Variants in GRIPAP1 observed in about 807,000 individuals in gnomAD.
GRIPAP1 encodes GRIP1-associated protein 1.
GRIPAP1 carries 14 observed loss-of-function variants against 84.1 expected under a neutral mutation model. The observed-to-expected ratio is 0.17, with a 90% CI of 0.11 to 0.26. GRIPAP1 has a LOEUF of 0.26. GRIPAP1 is among the 10% of genes least tolerant of loss of function. GRIPAP1 has a pLI of 1.00. For missense variants in GRIPAP1, 518 were observed against 674.2 expected (o/e 0.77, Z 2.57); for synonymous variants, 261 against 256.8 (o/e 1.02, Z -0.15).
chrX:48,999,198 G>GGGTGGATGGGTA, intron 3 of GRIPAP1, 40 bp downstream of exon 3: 2 of 1,056,119 alleles, frequency 1.9e-6, no homozygotes, highest in Non-Finnish European at 1.3e-6. Flanking sequence ...GTAGAAGCAA[G>GGGTGGATGGGTA]GGTGGATGGG....
chrX:48,978,592 G>A (rs1471112425), intron 21 of GRIPAP1, among the ~76,000 whole-genome samples, 157 bp from the exon 22 acceptor site: 1 of 111,266 alleles, frequency 9.0e-6, no homozygotes, highest in East Asian at 2.8e-4. Context: ...GGGAGAGACA[G>A]AGACAGAAAA....
Position 48,999,151 on chromosome X carries a change from T to C in GRIPAP1, c.171+87A>G, listed in dbSNP as rs782438411. On this transcript the variant is annotated intron_variant, in intron 3 of 25. Coordinates refer to ENST00000376423, the MANE Select transcript of GRIPAP1 (RefSeq NM_020137.5). ...GCATGCAACATTAGGTCTGGTTCAC[T>C]GTAGGTGCTCACTGGAGGGATGAAT... The C allele has an allele frequency of 6.4e-5, 40 of 622,735 alleles. No homozygotes were observed. The African/African-American group carries it at 6.8e-4, about 11-fold the overall frequency. The allele number at this position is 622,735 out of a possible 1,213,427, so 51.3% of individuals were successfully genotyped here. A position where few individuals can be genotyped will look rare whatever the true frequency, so the allele number is the denominator to read the frequency against.
intron 6 of GRIPAP1, among the ~76,000 whole-genome samples, chrX:48,992,296 G>A (rs781868532): frequency 1.8e-5 from 2 of 112,443 alleles, no homozygotes; most frequent in East Asian, 5.6e-4. Context: ...GTGAAACACC[G>A]TGCCTGGCCT....
At chrX:48,974,973 A>G (rs1436425187) in intron 25 of GRIPAP1, among the ~76,000 whole-genome samples, 182 bp downstream of exon 25, 5 of 110,185 alleles carry the variant, frequency 4.5e-5, no homozygotes, top group African/African-American at 1.7e-4. Context: ...TGAATGGATA[A>G]TAAGTTGATG....
intron 22 of GRIPAP1, among the ~76,000 whole-genome samples, chrX:48,976,679 A>C (rs1388188265): frequency 1.8e-5 from 2 of 111,384 alleles, no homozygotes; most frequent in Non-Finnish European, 3.8e-5. Flanking sequence ...AAGCCAGCAG[A>C]AAAACCCAAA....
chrX:48,981,586 G>A lies in GRIPAP1; in HGVS notation c.1773+10C>T. 1 of 1,187,926 alleles carries A rather than the reference G, an allele frequency of 8.4e-7. No homozygotes were observed. Among genetic ancestry groups the A allele is most frequent in the Non-Finnish European group, 1.1e-6 (1 of 874,084 alleles). On this transcript the variant is annotated intron_variant, in intron 19 of 25. Transcript: ENST00000376423. Reference sequence around the variant, plus strand: ...AGGGGTGTGTCTGGGGCTGTGCAGTGACCACTGACCTGCTTCAGGCTGCTA... The same window carrying A: ...AGGGGTGTGTCTGGGGCTGTGCAGTAACCACTGACCTGCTTCAGGCTGCTA...
At chrX:48,990,037 G>A in intron 8 of GRIPAP1, 34 bp from the exon 9 acceptor site, 1 of 1,079,384 alleles carries the variant, frequency 9.3e-7, no homozygotes. Flanking sequence ...TGATAACATT[G>A]AGAATAATAT....
At chrX:48,998,447 G>C (rs1269825851) in intron 3 of GRIPAP1, among the ~76,000 whole-genome samples, 3 of 112,117 alleles carry the variant, frequency 2.7e-5, no homozygotes, top group African/African-American at 9.7e-5. Flanking sequence ...CTTGAGGCTG[G>C]TGGGGGGACA....
rs1226649495 is a variant in GRIPAP1 at position 48,973,896 on chromosome X, TA to T, written c.*296del. 22 of 210,592 alleles carry T rather than the reference TA, an allele frequency of 1.0e-4. No individual in the cohort carries two copies. The highest frequency in any genetic ancestry group is 1.7e-4 in the Non-Finnish European group (20 of 119,196). 17.4% of individuals were successfully genotyped at this position (210,592 alleles called of 1,213,427 possible). A position where few individuals can be genotyped will look rare whatever the true frequency, so the allele number is the denominator to read the frequency against. On this transcript the variant is annotated 3_prime_UTR_variant, in exon 26 of 26. Coordinates refer to ENST00000376423, the MANE Select transcript of GRIPAP1 (RefSeq NM_020137.5). ...AATTAAAAAATAAAATAAAATAAAA[TA>T]AAAAGAGTTGGTCTCTGGGAAGGAG... is the stretch of plus-strand genomic sequence containing the variant.
At chrX:48,985,726 T>C (rs1161326472) in intron 13 of GRIPAP1, among the ~76,000 whole-genome samples, 3 of 111,219 alleles carry the variant, frequency 2.7e-5, no homozygotes, top group African/African-American at 9.8e-5. Context: ...AATCTTATGT[T>C]GCTAGAGATC....
At chrX:48,977,972 A>C in intron 22 of GRIPAP1, 95 of 146,830 alleles carry the variant, frequency 6.5e-4, no homozygotes, top group Middle Eastern at 5.7e-3. Flanking sequence ...CTGACATGAC[A>C]GCCGGCAATA....
At chrX:48,998,445 T>C (rs957473692) in intron 3 of GRIPAP1, among the ~76,000 whole-genome samples, 1 of 112,081 alleles carries the variant, frequency 8.9e-6, no homozygotes, top group Non-Finnish European at 1.9e-5. Flanking sequence ...CTCTTGAGGC[T>C]GGTGGGGGGA....
intron 13 of GRIPAP1, among the ~76,000 whole-genome samples, chrX:48,987,218 G>A (rs782467905): frequency 2.2e-4 from 22 of 99,673 alleles, no homozygotes; most frequent in Middle Eastern, 0.01. Flanking sequence ...GCACGATCTC[G>A]GCTTACTGCA....
rs1557060038 is a variant in GRIPAP1 at position 48,975,149 on chromosome X, A to T, written c.2433+6T>A. 1 of 1,206,327 alleles carries T rather than the reference A, an allele frequency of 8.3e-7. No individual in the cohort carries two copies. The highest frequency in any genetic ancestry group is 2.2e-5 in the Admixed American group (1 of 45,660). On this transcript the variant is annotated splice_donor_region_variant and intron_variant, in intron 25 of 25. Transcript: ENST00000376423. ...ACAGATGGGTAGGCTGGCAGGCCAC[A>T]CTTGCCTTGTGCAAGTGCATATTCT...
rs2064503330 is a variant in GRIPAP1 at position 48,988,292 on chromosome X, T to C, written c.871-94A>G. 3.7e-5 allele frequency: 22 copies of C among 589,587 alleles called. No homozygotes were observed. The South Asian group carries it at 5.4e-4, about 14-fold the overall frequency. The allele number at this position is 589,587 out of a possible 1,213,427, so 48.6% of individuals were successfully genotyped here. A position where few individuals can be genotyped will look rare whatever the true frequency, so the allele number is the denominator to read the frequency against. On this transcript the variant is annotated intron_variant, in intron 11 of 25. Transcript: ENST00000376423. Reference sequence around the variant, plus strand: ...TCTGTTTGACCACCCAGCAGCATGTTCTCAGCACCTGTGGGTCTCAGACTA... The same window carrying C: ...TCTGTTTGACCACCCAGCAGCATGTCCTCAGCACCTGTGGGTCTCAGACTA...
chrX:48,999,649 C>T (rs1227748337), intron 1 of GRIPAP1, 145 bp from the exon 2 acceptor site: 3 of 449,558 alleles, frequency 6.7e-6, no homozygotes, highest in Non-Finnish European at 1.2e-5. Flanking sequence ...TGTGCTACAC[C>T]CAAAGTGACC....
chrX:48,974,808 T>C (rs1026666822), intron 25 of GRIPAP1, among the ~76,000 whole-genome samples: 6 of 110,578 alleles, frequency 5.4e-5, no homozygotes, highest in Non-Finnish European at 7.6e-5. Context: ...CAAGGGGCAA[T>C]TGATGAGTAG....
At chrX:48,978,017 C>A in intron 22 of GRIPAP1, 1 of 233,853 alleles carries the variant, frequency 4.3e-6, no homozygotes, top group Non-Finnish European at 7.8e-6. Flanking sequence ...GAAAAAGGGA[C>A]CTTCTCCTTG....
At position 48,974,237 on chromosome X, in the gene GRIPAP1, C is replaced by G. The variant is rs782501117; in HGVS notation, c.2482G>C (p.Val828Leu). 8.3e-7 allele frequency: 1 copy of G among 1,208,284 alleles called. No individual in the cohort carries two copies. Among genetic ancestry groups the G allele is most frequent in the Admixed American group, 2.2e-5 (1 of 46,036 alleles). The change falls in exon 26 of 26, where the codon GTG (valine) becomes CTG (leucine). Residue 828 changes from valine to leucine, a missense_variant. This residue lies in a region of GRIPAP1 where 30 missense variants were observed against 23.8 expected (regional missense o/e 1.26). Coordinates refer to ENST00000376423, the MANE Select transcript of GRIPAP1 (RefSeq NM_020137.5). ...TCTAGGTCTGGGTCAGGAGGCCCCA[C>G]GCACTCCTTGCTGAGCCGCACAATT... is the stretch of plus-strand genomic sequence containing the variant. The part of the protein sequence containing the change: ...QEIVRLSKEC[V>L]GPPDPDLEPG...
Sources: allele counts gnomAD v4.1 joint callset (sites outside exome capture counted in the v4.1 genomes callset), GRCh38; gene constraint gnomAD v4.1.1; regional missense constraint gnomAD v4.1.1; transcripts MANE v1.5; gene names NCBI Gene and HGNC (gene_info 2026-07-23, HGNC 2026-07-21).